Variants in KL observed in about 807,000 individuals in gnomAD.
The protein encoded by KL is alpha-klotho.
In KL, 62 loss-of-function variants were observed where a neutral mutation model predicts 84.2. That is an observed-to-expected ratio of 0.74 (90% CI 0.60 to 0.91). The LOEUF (loss-of-function observed/expected upper bound fraction) is 0.91. Ranked by LOEUF, KL falls within the 40% of genes least tolerant of loss-of-function variation. KL has a pLI of 0.00. For missense variants in KL, 1,261 were observed against 1,305.7 expected (o/e 0.97, Z 0.53); for synonymous variants, 528 against 528.0 (o/e 1.00, Z 0.00).
chr13:33,060,147 G>A (rs1161007901), intron 3 of KL, among the ~76,000 whole-genome samples: 2 of 151,928 alleles, frequency 1.3e-5, no homozygotes, highest in African/African-American at 2.4e-5. Context: ...GTTTGGACGT[G>A]TTGCCCCAGC....
intron 1 of KL, among the ~76,000 whole-genome samples, chr13:33,039,378 T>C (rs1287094561): frequency 6.6e-6 from 1 of 152,206 alleles, no homozygotes; most frequent in Admixed American, 6.5e-5. Flanking sequence ...AGTGAAAGGA[T>C]AAATGAATGA....
intron 2 of KL, among the ~76,000 whole-genome samples, chr13:33,054,649 G>A (rs1287468366): frequency 2.0e-5 from 3 of 152,142 alleles, no homozygotes; most frequent in African/African-American, 7.2e-5. Flanking sequence ...AAAAAGGAAT[G>A]TCCATGTTTT....
chr13:33,038,989 A>G (rs1871241224), intron 1 of KL, among the ~76,000 whole-genome samples: 1 of 152,222 alleles, frequency 6.6e-6, no homozygotes, highest in Non-Finnish European at 1.5e-5. Flanking sequence ...GAAGAACATA[A>G]TAAATGCCCA....
intron 1 of KL, among the ~76,000 whole-genome samples, chr13:33,029,614 G>C (rs1454410523): frequency 6.6e-6 from 1 of 152,150 alleles, no homozygotes; most frequent in Non-Finnish European, 1.5e-5. Context: ...AAGAGTAGCT[G>C]AGACTAGGTT....
Position 33,016,489 on chromosome 13 carries a change from C to T in KL, c.49C>T (p.Leu17=). The T allele has an allele frequency of 8.4e-7, 1 of 1,191,462 alleles. No individual in the cohort carries two copies. Among genetic ancestry groups the T allele is most frequent in the Non-Finnish European group, 1.0e-6 (1 of 962,818 alleles). The allele number at this position is 1,191,462 out of a possible 1,614,324, so 73.8% of individuals were successfully genotyped here. The part of the protein sequence containing the change: ...PRRPRPPPPS[L]SLLLVLLGLG... ...CCGCCCGCGGCCGCCGCCGCCGTCGCTGTCGCTGCTGCTGGTGCTGCTGGG... is the reference window on the plus strand; with the variant it reads ...CCGCCCGCGGCCGCCGCCGCCGTCGTTGTCGCTGCTGCTGGTGCTGCTGGG... The change falls in exon 1 of 5, where the codon CTG becomes TTG. Residue 17 remains leucine (L), a synonymous_variant. Transcript: ENST00000380099.
chr13:33,060,363 T>G (rs1418247036), intron 3 of KL, among the ~76,000 whole-genome samples: 1 of 152,224 alleles, frequency 6.6e-6, no homozygotes, highest in African/African-American at 2.4e-5. Context: ...AAAAATACTC[T>G]GCTTACATAA....
chr13:33,025,206 G>A (rs932104376), intron 1 of KL, among the ~76,000 whole-genome samples: 4 of 152,196 alleles, frequency 2.6e-5, no homozygotes, highest in African/African-American at 4.8e-5. Flanking sequence ...ATAGGTTAGC[G>A]TTTTGGGGAG....
At chr13:33,045,204 C>T (rs1410233056) in intron 1 of KL, among the ~76,000 whole-genome samples, 1 of 151,944 alleles carries the variant, frequency 6.6e-6, no homozygotes, top group Non-Finnish European at 1.5e-5. Context: ...GATCTTGTAC[C>T]TTGCAATTTT....
chr13:33,016,487 C>G lies in KL; in HGVS notation c.47C>G (p.Ser16Trp). 1 of 1,181,934 alleles carries G rather than the reference C, an allele frequency of 8.5e-7. No individual in the cohort carries two copies. The highest frequency in any genetic ancestry group is 4.2e-5 in the South Asian group (1 of 23,952). 73.2% of individuals were successfully genotyped at this position (1,181,934 alleles called of 1,614,324 possible). A position where few individuals can be genotyped will look rare whatever the true frequency, so the allele number is the denominator to read the frequency against. Residue 16 changes from serine (S) to tryptophan (W), a missense_variant, in exon 1 of 5, where the codon TCG becomes TGG. By Grantham distance (177) the Ser-to-Trp change is radical. Transcript: ENST00000380099. ...CGCCGCCCGCGGCCGCCGCCGCCGT[C>G]GCTGTCGCTGCTGCTGGTGCTGCTG... The part of the protein sequence containing the change: ...PPRRPRPPPP[S>W]LSLLLVLLGL...
chr13:33,016,915 A>T lies in KL; in HGVS notation c.475A>T (p.Asn159Tyr). The T allele has an allele frequency of 6.2e-7, 1 of 1,611,328 alleles. No individual in the cohort carries two copies. The highest frequency in any genetic ancestry group is 8.5e-7 in the Non-Finnish European group (1 of 1,179,478). The change falls in exon 1 of 5, where the codon AAT becomes TAT. Residue 159 changes from asparagine to tyrosine, a missense_variant. By Grantham distance (143) the Asn-to-Tyr change is moderately radical. Coordinates refer to ENST00000380099, the MANE Select transcript of KL (RefSeq NM_004795.4). Reference protein sequence around the residue: ...FSISWARVLPNGSAGVPNREG... With the variant: ...FSISWARVLPYGSAGVPNREG... ...CATCTCGTGGGCGCGAGTGCTCCCC[A>T]ATGGCAGCGCGGGCGTCCCCAACCG...
At chr13:33,044,744 G>A (rs1391727032) in intron 1 of KL, among the ~76,000 whole-genome samples, 1 of 138,372 alleles carries the variant, frequency 7.2e-6, no homozygotes, top group African/African-American at 2.6e-5. Context: ...TTGAACTCCT[G>A]GGCTGAAGGG....
intron 1 of KL, among the ~76,000 whole-genome samples, chr13:33,019,934 T>C (rs1039061157): frequency 1.1e-4 from 17 of 152,178 alleles, no homozygotes; most frequent in Admixed American, 9.2e-4. Flanking sequence ...TGAAACAAAG[T>C]TCTTAATGTC....
At chr13:33,024,325 C>G (rs1319961486) in intron 1 of KL, among the ~76,000 whole-genome samples, 1 of 152,182 alleles carries the variant, frequency 6.6e-6, no homozygotes, top group Non-Finnish European at 1.5e-5. Flanking sequence ...AACCTTTGAA[C>G]AGGTGGCTCT....
chr13:33,057,792 C>T (rs1872021336), intron 3 of KL, among the ~76,000 whole-genome samples: 1 of 32,566 alleles, frequency 3.1e-5, no homozygotes, highest in Non-Finnish European at 7.7e-5. Context: ...AACTCCCTAA[C>T]TGACCTGACG....
At chr13:33,035,530 A>G (rs1403984732) in intron 1 of KL, among the ~76,000 whole-genome samples, 2 of 152,232 alleles carry the variant, frequency 1.3e-5, no homozygotes, top group African/African-American at 2.4e-5. Flanking sequence ...CTGATGAACC[A>G]TGGAATACTT....
intron 1 of KL, among the ~76,000 whole-genome samples, chr13:33,028,609 A>C (rs1593792152): frequency 6.6e-6 from 1 of 152,160 alleles, no homozygotes; most frequent in East Asian, 1.9e-4. Flanking sequence ...TCCCCCCAAA[A>C]TATTGGAGGC....
intron 4 of KL, 56 bp from the exon 5 acceptor site, chr13:33,063,793 G>C: frequency 7.2e-7 from 1 of 1,387,236 alleles, no homozygotes; most frequent in Non-Finnish European, 1.0e-6. Flanking sequence ...AAAAAAAAGT[G>C]ATGTGTTGTG....
chr13:33,019,338 G>A (rs1035301223), intron 1 of KL, among the ~76,000 whole-genome samples: 5 of 151,836 alleles, frequency 3.3e-5, no homozygotes, highest in African/African-American at 1.2e-4. Flanking sequence ...AAAAATTTGA[G>A]CTTACCTGAA....
rs1250258247 is a variant in KL at position 33,053,957 on chromosome 13, A to G, written c.1010A>G (p.Tyr337Cys). 1.2e-6 allele frequency: 2 copies of G among 1,614,016 alleles called. No individual in the cohort carries two copies. The highest frequency in any genetic ancestry group is 1.7e-5 in the Admixed American group (1 of 60,006). The change falls in exon 2 of 5, where the codon TAT (tyrosine) becomes TGT (cysteine). Residue 337 changes from tyrosine (Y) to cysteine (C), a missense_variant. Tyr to Cys is a radical substitution (Grantham distance 194). Transcript: ENST00000380099. ...FAKPVFIDGD[Y>C]PESMKNNLSS... Reference sequence around the variant, plus strand: ...AAACCCGTATTTATTGATGGTGACTATCCCGAGAGCATGAAGAATAACCTT... The same window carrying G: ...AAACCCGTATTTATTGATGGTGACTGTCCCGAGAGCATGAAGAATAACCTT...
Sources: gnomAD v4.1 joint callset for allele counts (sites outside exome capture counted in the v4.1 genomes callset) on GRCh38, gnomAD v4.1.1 for gene constraint, MANE v1.5 for transcripts, NCBI Gene and HGNC (gene_info 2026-07-23, HGNC 2026-07-21) for gene names.